RNF32: variants seen among roughly 807,000 people sequenced by gnomAD.
RNF32 encodes the protein ring finger protein 32.
In RNF32, 36 loss-of-function variants were observed where a neutral mutation model predicts 41.0. The observed-to-expected ratio is 0.88, with a 90% confidence interval of 0.67 to 1.16. The LOEUF (loss-of-function observed/expected upper bound fraction) is 1.16, where lower values mean the gene tolerates loss of function less well. Ranked by LOEUF, RNF32 falls within the 50% of genes most tolerant of loss-of-function variation. RNF32 has a pLI of 0.00. For synonymous variants in RNF32, 154 were observed against 160.9 expected (o/e 0.96, Z 0.32); for missense variants, 413 against 436.7 (o/e 0.95, Z 0.48).
chr7:156,651,316 C>T (rs182559100), intron 3 of RNF32, among the ~76,000 whole-genome samples: 183 of 151,256 alleles, frequency 1.2e-3, no homozygotes, highest in African/African-American at 4.2e-3. Flanking sequence ...CGGGTTCAAG[C>T]GATTCTCGTG....
intron 3 of RNF32, among the ~76,000 whole-genome samples, chr7:156,647,070 T>C (rs1271038097): frequency 6.6e-6 from 1 of 152,236 alleles, no homozygotes; most frequent in Non-Finnish European, 1.5e-5. Flanking sequence ...CAGGCTGGTC[T>C]TAAACTCCTG....
At chr7:156,640,697 C>A (rs1022175064), upstream of RNF32, 2 of 285,412 alleles carry the variant, frequency 7.0e-6, no homozygotes, top group Non-Finnish European at 1.4e-5. Context: ...TGAGCAAGCC[C>A]GCGGGGAGCG....
At chr7:156,676,020 G>C (rs1204446202) in intron 8 of RNF32, among the ~76,000 whole-genome samples, 157 bp downstream of exon 8, 1 of 151,704 alleles carries the variant, frequency 6.6e-6, no homozygotes, top group Non-Finnish European at 1.5e-5. Context: ...TGGCATGTCG[G>C]GGGAGGTCGA....
At chr7:156,662,842 C>G (rs1306710499) in intron 7 of RNF32, among the ~76,000 whole-genome samples, 1 of 151,036 alleles carries the variant, frequency 6.6e-6, no homozygotes, top group African/African-American at 2.4e-5. Context: ...AATTTAACAG[C>G]CATTCTTTTT....
chr7:156,658,251 A>G lies in RNF32; in HGVS notation c.574A>G (p.Arg192Gly). The part of the protein sequence containing the change: ...ARLFRIKCVT[R>G]IQAYWRGCVV... ...CCTGTTCAGAATCAAGTGTGTGACC[A>G]GGTGAGGACGCCAGGCCCGTTTGGC... The change falls in exon 6 of 9, where the codon AGA (arginine) becomes GGA (glycine). Residue 192 changes from arginine to glycine, a missense_variant and splice_region_variant. By Grantham distance (125) the Arg-to-Gly change is moderately radical. Transcript: ENST00000317955. 1 of 1,613,816 alleles carries G rather than the reference A, an allele frequency of 6.2e-7. No individual in the cohort carries two copies. The highest frequency in any genetic ancestry group is 8.5e-7 in the Non-Finnish European group (1 of 1,179,954).
intron 7 of RNF32, among the ~76,000 whole-genome samples, chr7:156,675,396 T>A (rs186401821): frequency 1.3e-5 from 2 of 152,162 alleles, no homozygotes; most frequent in Admixed American, 1.3e-4. Flanking sequence ...CCTGCAGCTG[T>A]CATTTCTCAA....
chr7:156,648,615 T>A (rs2131376802), intron 3 of RNF32, among the ~76,000 whole-genome samples: 1 of 152,352 alleles, frequency 6.6e-6, no homozygotes, highest in Admixed American at 6.5e-5. Context: ...GGAAAAAATC[T>A]TGATTGTGCG....
In RNF32 at chr7:156,658,236, A is replaced by G. The variant is rs775346554; in HGVS notation, c.559A>G (p.Ile187Val). The G allele has an allele frequency of 5.6e-6, 9 of 1,614,198 alleles. No homozygotes were observed. The highest frequency in any genetic ancestry group is 7.6e-6 in the Non-Finnish European group (9 of 1,180,040). The change falls in exon 6 of 9, where the codon ATC becomes GTC. Residue 187 changes from isoleucine to valine, a missense_variant. Coordinates refer to ENST00000317955, the MANE Select transcript of RNF32 (RefSeq NM_030936.4). ...VIHDGARLFR[I>V]KCVTRIQAYW... is the part of the protein sequence containing the mutation. The stretch of plus-strand genomic sequence containing the variant: ...ACACGATGGGGCCCGCCTGTTCAGA[A>G]TCAAGTGTGTGACCAGGTGAGGACG...
At chr7:156,646,751 A>G (rs1348936015) in intron 3 of RNF32, among the ~76,000 whole-genome samples, 1 of 152,202 alleles carries the variant, frequency 6.6e-6, no homozygotes, top group Non-Finnish European at 1.5e-5. Flanking sequence ...CTACTCACAT[A>G]TATTACTATG....
chr7:156,661,165 A>G (rs918600306), intron 7 of RNF32, among the ~76,000 whole-genome samples: 1 of 151,796 alleles, frequency 6.6e-6, no homozygotes, highest in Admixed American at 6.6e-5. Context: ...TATCACTTTT[A>G]AAGGAATACT....
At chr7:156,640,385 G>T, upstream of RNF32, 1 of 435,012 alleles carries the variant, frequency 2.3e-6, no homozygotes. Flanking sequence ...GCCGGGGGCT[G>T]CGGACTACAG....
Position 156,676,695 on chromosome 7 carries a change from A to T in RNF32, c.*40A>T. The T allele has an allele frequency of 6.6e-7, 1 of 1,509,408 alleles. No homozygotes were observed. The highest frequency in any genetic ancestry group is 9.2e-7 in the Non-Finnish European group (1 of 1,089,524). The allele number at this position is 1,509,408 out of a possible 1,614,324, so 93.5% of individuals were successfully genotyped here. A position where few individuals can be genotyped will look rare whatever the true frequency, so the allele number is the denominator to read the frequency against. ...AAAGTTAGGTAATTCTGAGGAAAAAAGTTTACCATCATTTTGGATGAACTG... is the reference window on the plus strand; with the variant it reads ...AAAGTTAGGTAATTCTGAGGAAAAATGTTTACCATCATTTTGGATGAACTG... On this transcript the variant is annotated 3_prime_UTR_variant, in exon 9 of 9. Coordinates refer to ENST00000317955, the MANE Select transcript of RNF32 (RefSeq NM_030936.4).
chr7:156,662,491 G>T (rs1167293103), intron 7 of RNF32, among the ~76,000 whole-genome samples: 1 of 152,106 alleles, frequency 6.6e-6, no homozygotes, highest in East Asian at 1.9e-4. Context: ...GGTATTTCCA[G>T]ATGAGCTGAG....
chr7:156,669,288 C>G lies in RNF32; in HGVS notation c.685-6408C>G, dbSNP rs892778975. ...TGCAGGGCACGCTTCCTGCAGGGAG[C>G]TGGGGAGAGACAAATAATAAAATAT... On this transcript the variant is annotated intron_variant, in intron 7 of 8. Coordinates refer to ENST00000317955, the MANE Select transcript of RNF32 (RefSeq NM_030936.4). This position sits in a 1 kb window ranked among gnomAD's most constrained non-coding sequence, Gnocchi z 4.2. The G allele has an allele frequency of 6.6e-6, 1 of 152,056 alleles. No individual in the cohort carries two copies. Among genetic ancestry groups the G allele is most frequent in the Non-Finnish European group, 1.5e-5 (1 of 68,020 alleles). The allele number at this position is 152,056 out of a possible 1,614,324, so 9.4% of individuals were successfully genotyped here. A position where few individuals can be genotyped will look rare whatever the true frequency, so the allele number is the denominator to read the frequency against.
intron 7 of RNF32, among the ~76,000 whole-genome samples, chr7:156,675,134 C>CCCGAAGGGGCAGCGGA (rs1563102563): frequency 5.9e-5 from 9 of 152,028 alleles, no homozygotes; most frequent in African/African-American, 9.7e-5. Flanking sequence ...GAGGCAGCGG[C>CCCGAAGGGGCAGCGGA]GACCCGAAGG....
chr7:156,664,334 G>A (rs1010910959), intron 7 of RNF32, among the ~76,000 whole-genome samples: 3 of 152,112 alleles, frequency 2.0e-5, no homozygotes, highest in South Asian at 2.1e-4. Flanking sequence ...GGTGGCGCAC[G>A]CCTGTAATCC....
Position 156,658,264 on chromosome 7 carries a change from A to G in RNF32, c.575+12A>G. 1 of 1,612,684 alleles carries G rather than the reference A, an allele frequency of 6.2e-7. No homozygotes were observed. The highest frequency in any genetic ancestry group is 8.5e-7 in the Non-Finnish European group (1 of 1,179,666). ...AAGTGTGTGACCAGGTGAGGACGCC[A>G]GGCCCGTTTGGCGCTAAGCAGACAC... On this transcript the variant is annotated intron_variant, in intron 6 of 8. Transcript: ENST00000317955.
At chr7:156,676,233 G>A in intron 8 of RNF32, 186 bp from the exon 9 acceptor site, 2 of 1,496,456 alleles carry the variant, frequency 1.3e-6, no homozygotes, top group Non-Finnish European at 8.9e-7. Context: ...GAGTAACAGA[G>A]TATATGTGTG....
chr7:156,676,262 T>C (rs932011058), intron 8 of RNF32, 157 bp from the exon 9 acceptor site: 115 of 1,546,586 alleles, frequency 7.4e-5, no homozygotes, highest in Non-Finnish European at 1.0e-4. Context: ...TATATGTATA[T>C]ATATAAATAA....
Sources: allele counts gnomAD v4.1 joint callset (sites outside exome capture counted in the v4.1 genomes callset), GRCh38; gene constraint gnomAD v4.1.1; non-coding constraint Gnocchi (gnomAD v3.1); transcripts MANE v1.5; gene names NCBI Gene and HGNC (gene_info 2026-07-23, HGNC 2026-07-21).